MARF1: variants seen among roughly 807,000 people sequenced by gnomAD.
MARF1 encodes the protein limkain-b1.
A neutral mutation model predicts 168.2 loss-of-function variants in MARF1; 24 were observed. That is an observed-to-expected ratio of 0.14 (90% CI 0.10 to 0.20). The LOEUF is 0.20. MARF1 is among the 10% of genes least tolerant of loss of function. The pLI is 1.00. For missense variants in MARF1, 1,744 were observed against 2,143.6 expected (o/e 0.81, Z 3.68); for synonymous variants, 868 against 822.4 (o/e 1.06, Z -0.95).
chr16:15,598,292 C>G (rs1162873002), intron 26 of MARF1, among the ~76,000 whole-genome samples: 1 of 152,208 alleles, frequency 6.6e-6, no homozygotes, highest in East Asian at 1.9e-4. Flanking sequence ...ACGGCTCTCA[C>G]CTGGAGCCGT....
intron 19 of MARF1, chr16:15,610,561 A>G (rs1199266722): frequency 1.6e-5 from 2 of 126,020 alleles, no homozygotes; most frequent in African/African-American, 5.6e-5. Context: ...TTTGAAAGGC[A>G]AAAGAAAAAA....
intron 17 of MARF1, 51 bp downstream of exon 17, chr16:15,612,506 C>A (rs756068698): frequency 6.7e-7 from 1 of 1,489,146 alleles, no homozygotes; most frequent in Non-Finnish European, 9.4e-7. Context: ...CAGCCAAAGC[C>A]ATGGAGGAAC....
intron 7 of MARF1, among the ~76,000 whole-genome samples, chr16:15,629,861 C>T (rs961664432): frequency 6.6e-6 from 1 of 152,142 alleles, no homozygotes; most frequent in Non-Finnish European, 1.5e-5. Flanking sequence ...AGGGAATGCA[C>T]AATAGAAAGC....
chr16:15,601,079 G>T, intron 23 of MARF1: 1 of 498,012 alleles, frequency 2.0e-6, no homozygotes, highest in Non-Finnish European at 3.9e-6. Context: ...CAATCTCTCA[G>T]ACCCTTTAAA....
intron 5 of MARF1, 74 bp downstream of exon 5, chr16:15,633,543 C>A: frequency 8.4e-7 from 1 of 1,184,656 alleles, no homozygotes; most frequent in South Asian, 1.4e-5. Context: ...GACTCTGTCT[C>A]AAAACAAACA....
At chr16:15,616,478 CCT>C (rs1255762517) in intron 15 of MARF1, among the ~76,000 whole-genome samples, 1 of 152,212 alleles carries the variant, frequency 6.6e-6, no homozygotes, top group Non-Finnish European at 1.5e-5. Flanking sequence ...ATACATCTCC[CCT>C]CTGTGGAAGA....
In MARF1 at chr16:15,610,963, T is replaced by C. The variant is rs749442952; in HGVS notation, c.3751+12A>G. On this transcript the variant is annotated intron_variant, in intron 19 of 26. Coordinates refer to ENST00000396368, the MANE Select transcript of MARF1 (RefSeq NM_014647.4). Reference sequence around the variant, plus strand: ...TAGACAATATCCTTCCAGCAAATGTTAAGTCACATACCTCTTTTGGGGATA... The same window carrying C: ...TAGACAATATCCTTCCAGCAAATGTCAAGTCACATACCTCTTTTGGGGATA... 1.2e-6 allele frequency: 2 copies of C among 1,611,966 alleles called. No individual in the cohort carries two copies. Among genetic ancestry groups the C allele is most frequent in the Non-Finnish European group, 1.7e-6 (2 of 1,178,424 alleles).
intron 12 of MARF1, chr16:15,621,447 A>T: frequency 2.5e-6 from 1 of 396,560 alleles, no homozygotes. Flanking sequence ...TCAGGCTTAT[A>T]AACTTTTATT....
chr16:15,618,463 C>A (rs1489164884), intron 13 of MARF1, among the ~76,000 whole-genome samples: 5 of 152,186 alleles, frequency 3.3e-5, no homozygotes, highest in Non-Finnish European at 1.5e-5. Flanking sequence ...TCAGCCCCTT[C>A]CCTACTGGAT....
At position 15,625,036 on chromosome 16, in the gene MARF1, G is replaced by A. The variant is rs200959834; in HGVS notation, c.2091C>T (p.Pro697=). The A allele has an allele frequency of 2.2e-5, 35 of 1,614,024 alleles. No individual in the cohort carries two copies. Among genetic ancestry groups the A allele is most frequent in the Admixed American group, 6.7e-5 (4 of 59,988 alleles). ...CATACTTCTGACTGGTTTTGTAAAC[G>A]GGTTCTGCCACCCCCGAGTTTTTCG... is the stretch of plus-strand genomic sequence containing the variant. ...STPKNSGVAE[P]VYKTSQKKEN... is the part of the protein sequence containing the mutation. Residue 697 remains proline, a synonymous_variant, in exon 9 of 27, where the codon CCC becomes CCT. Coordinates refer to ENST00000396368, the MANE Select transcript of MARF1 (RefSeq NM_014647.4).
rs1363791275 is a variant in MARF1 at position 15,625,637 on chromosome 16, C to T, written c.1688G>A (p.Arg563His). The T allele has an allele frequency of 3.7e-6, 6 of 1,614,222 alleles. No homozygotes were observed. The highest frequency in any genetic ancestry group is 3.3e-5 in the Admixed American group (2 of 60,024). The change falls in exon 8 of 27, where the codon CGC becomes CAC. Residue 563 changes from arginine to histidine, a missense_variant. Coordinates refer to ENST00000396368, the MANE Select transcript of MARF1 (RefSeq NM_014647.4). The part of the protein sequence containing the change: ...LRFINQDSAE[R>H]AQKRMENEDV... ...TTCGTTTTCCATTCGCTTCTGAGCG[C>T]GCTCTGCACTATCTTGGTTTATGAA...
intron 7 of MARF1, among the ~76,000 whole-genome samples, chr16:15,626,641 A>C (rs2034864424): frequency 6.6e-6 from 1 of 152,182 alleles, no homozygotes; most frequent in Admixed American, 6.5e-5. Context: ...TAATTCTTCC[A>C]GATAAGTTGA....
In MARF1 at chr16:15,638,357, G is replaced by A. The variant is rs566539299; in HGVS notation, c.144+733C>T. Among the ~76,000 whole-genome samples the A allele has an allele frequency of 3.9e-5, 6 of 152,202 alleles. No individual in the cohort carries two copies. In the South Asian group the frequency reaches 8.3e-4, roughly 21 times the overall value. On this transcript the variant is annotated intron_variant, in intron 2 of 26. Transcript: ENST00000396368. ...TCCCAGCACTTTGGGAGGCTGAGGCGGGAGGATCACTTGAGGTCAGGAGGT... is the reference window on the plus strand; with the variant it reads ...TCCCAGCACTTTGGGAGGCTGAGGCAGGAGGATCACTTGAGGTCAGGAGGT...
rs140466844 is a variant in MARF1, at chr16:15,619,360, G to A, written c.2720+1091C>T. On this transcript the variant is annotated intron_variant, in intron 13 of 26. Transcript: ENST00000396368. Reference sequence around the variant, plus strand: ...GACATTTTGACATTTCTGTAACATCGAGTTCTGTCCCAACAGTATCTGCTC... The same window carrying A: ...GACATTTTGACATTTCTGTAACATCAAGTTCTGTCCCAACAGTATCTGCTC... Among the ~76,000 whole-genome samples the A allele has an allele frequency of 7.2e-4, 110 of 152,234 alleles. No homozygotes were observed. The South Asian group carries it at 9.1e-3, about 13-fold the overall frequency.
intron 7 of MARF1, among the ~76,000 whole-genome samples, chr16:15,630,079 G>T (rs2035147864): frequency 6.6e-6 from 1 of 152,140 alleles, no homozygotes; most frequent in Non-Finnish European, 1.5e-5. Context: ...GAAGACACTG[G>T]CAAGTTGGGA....
intron 1 of MARF1, 32 bp from the exon 2 acceptor site, chr16:15,639,323 T>C: frequency 1.4e-6 from 2 of 1,428,098 alleles, no homozygotes; most frequent in Non-Finnish European, 1.9e-6. Flanking sequence ...TCAGTGTTAT[T>C]TCCTTGCATA....
Position 15,625,247 on chromosome 16 carries a change from T to C in MARF1, c.1954-74A>G, listed in dbSNP as rs2034764362. The C allele has an allele frequency of 4.1e-5, 64 of 1,573,452 alleles. No individual in the cohort carries two copies. The South Asian group carries it at 6.2e-4, about 15-fold the overall frequency. On this transcript the variant is annotated intron_variant, in intron 8 of 26. Coordinates refer to ENST00000396368, the MANE Select transcript of MARF1 (RefSeq NM_014647.4). ...GTGTTAGATCCTTTACAGAAAACGA[T>C]TGACTTTGAGTATCATCAAACACTG...
In MARF1 at chr16:15,625,111, C is replaced by T. The variant is rs768940663; in HGVS notation, c.2016G>A (p.Leu672=). The change falls in exon 9 of 27, where the codon CTG becomes CTA. Residue 672 remains leucine, a synonymous_variant. Coordinates refer to ENST00000396368, the MANE Select transcript of MARF1 (RefSeq NM_014647.4). ...TACCGTGAGTGGGTACGACCAGCCTCAGGTGACCTTGCTGGTGCTCACTGT... is the reference window on the plus strand; with the variant it reads ...TACCGTGAGTGGGTACGACCAGCCTTAGGTGACCTTGCTGGTGCTCACTGT... The part of the protein sequence containing the change: ...HRNSEHQQGH[L]RLVVPTHGNS... The T allele has an allele frequency of 1.1e-5, 17 of 1,614,206 alleles. No individual in the cohort carries two copies. Among genetic ancestry groups the T allele is most frequent in the Non-Finnish European group, 1.2e-5 (14 of 1,180,036 alleles).
intron 5 of MARF1, 46 bp from the exon 6 acceptor site, chr16:15,631,544 G>C (rs185749583): frequency 3.0e-6 from 4 of 1,334,062 alleles, no homozygotes; most frequent in African/African-American, 2.9e-5. Context: ...GCTGAGGCTA[G>C]AAAATTGCTA....
Sources: allele counts gnomAD v4.1 joint callset (sites outside exome capture counted in the v4.1 genomes callset), GRCh38; gene constraint gnomAD v4.1.1; transcripts MANE v1.5; gene names NCBI Gene and HGNC (gene_info 2026-07-23, HGNC 2026-07-21).